Variants in PATJ observed in about 807,000 individuals in gnomAD.
PATJ encodes the protein inaD-like protein.
PATJ carries 190 observed loss-of-function variants against 224.9 expected under a neutral mutation model. That is an observed-to-expected ratio of 0.84 (90% CI 0.75 to 0.95). The LOEUF (loss-of-function observed/expected upper bound fraction) is 0.95, where lower values mean the gene tolerates loss of function less well. Ranked by LOEUF, PATJ falls within the 40% of genes least tolerant of loss-of-function variation. The probability of loss-of-function intolerance (pLI) is 0.00; values close to 1 mark genes in which losing one functional copy is unlikely to be tolerated. For missense variants in PATJ, 2,121 were observed against 2,270.3 expected (o/e 0.93, Z 1.34); for synonymous variants, 769 against 820.3 (o/e 0.94, Z 1.07).
chr1:62,125,059 C>G (rs1390727440), intron 39 of PATJ, among the ~76,000 whole-genome samples: 1 of 151,760 alleles, frequency 6.6e-6, no homozygotes, highest in Non-Finnish European at 1.5e-5. Flanking sequence ...AACTCCGTCT[C>G]TACAAATAAT....
chr1:61,939,554 A>G (rs770037255), intron 27 of PATJ, among the ~76,000 whole-genome samples: 1 of 151,954 alleles, frequency 6.6e-6, no homozygotes, highest in Non-Finnish European at 1.5e-5. Context: ...AACAATATTA[A>G]TCATCATTGT....
At chr1:61,884,179 A>G (rs1327883000) in intron 21 of PATJ, 58 bp from the exon 22 acceptor site, 22 of 1,373,160 alleles carry the variant, frequency 1.6e-5, no homozygotes, top group Non-Finnish European at 4.9e-6. Flanking sequence ...TAGTTGTTGA[A>G]TGACTAAAGG....
At chr1:62,128,241 C>A in intron 40 of PATJ, 147 bp downstream of exon 40, 1 of 697,472 alleles carries the variant, frequency 1.4e-6, no homozygotes, top group Non-Finnish European at 2.4e-6. Flanking sequence ...AAACTTGATA[C>A]CTTTAGAAAT....
At chr1:62,098,624 A>T (rs1331848318) in intron 33 of PATJ, among the ~76,000 whole-genome samples, 1 of 151,838 alleles carries the variant, frequency 6.6e-6, no homozygotes, top group African/African-American at 2.4e-5. Flanking sequence ...TAGTTCATTC[A>T]ACTCTGTGCT....
rs1286823 is a variant in PATJ, at chr1:61,791,364, A to C, written c.1085A>C (p.Glu362Ala). Residue 362 changes from glutamate to alanine, a missense_variant, in exon 9 of 44, where the codon GAA (glutamate) becomes GCA (alanine). Transcript: ENST00000642238. Reference protein sequence around the residue: ...KGPGSDSSLFETYNVELVRKD... With the variant: ...KGPGSDSSLFATYNVELVRKD... Reference sequence around the variant, plus strand: ...TCCTTTTAGGACAGTTCTCTTTTTGAAACTTATAATGTTGAGCTTGTGAGA... The same window carrying C: ...TCCTTTTAGGACAGTTCTCTTTTTGCAACTTATAATGTTGAGCTTGTGAGA... 162,426 of 1,607,274 alleles carry C rather than the reference A, an allele frequency of 0.1. 9,245 individuals carry two copies. Among genetic ancestry groups the C allele is most frequent in the Non-Finnish European group, 0.12 (137,872 of 1,174,444 alleles).
At chr1:62,075,425 T>C (rs1235916285) in intron 31 of PATJ, among the ~76,000 whole-genome samples, 2 of 152,208 alleles carry the variant, frequency 1.3e-5, no homozygotes, top group Non-Finnish European at 2.9e-5. Context: ...ATGGGTTTAT[T>C]TATTTACCTT....
chr1:62,151,978 A>G (rs1404520857), intron 42 of PATJ, among the ~76,000 whole-genome samples: 2 of 152,324 alleles, frequency 1.3e-5, no homozygotes, highest in East Asian at 3.9e-4. Flanking sequence ...CACTGGATGA[A>G]GCTTTGAAAA....
At chr1:62,077,624 A>C (rs538378565) in intron 31 of PATJ, among the ~76,000 whole-genome samples, 1 of 148,770 alleles carries the variant, frequency 6.7e-6, no homozygotes, top group African/African-American at 2.5e-5. Flanking sequence ...CAGGACATCA[A>C]GGCTTCAGTG....
chr1:61,859,250 A>G (rs571285828), intron 18 of PATJ, among the ~76,000 whole-genome samples: 27 of 151,900 alleles, frequency 1.8e-4, no homozygotes, highest in Non-Finnish European at 2.2e-4. Flanking sequence ...TCCTCATGCT[A>G]TTTCTGGTGG....
chr1:62,072,010 T>C (rs1657509236), intron 31 of PATJ, among the ~76,000 whole-genome samples: 1 of 152,148 alleles, frequency 6.6e-6, no homozygotes, highest in Non-Finnish European at 1.5e-5. Context: ...CCAAACCCAG[T>C]TGCAGGAATT....
intron 1 of PATJ, among the ~76,000 whole-genome samples, chr1:61,744,646 A>G (rs1356370993): frequency 1.3e-5 from 2 of 152,358 alleles, no homozygotes; most frequent in South Asian, 2.1e-4. Flanking sequence ...CTCTCACACC[A>G]CTACAGTCAA....
chr1:62,024,592 A>T (rs1303035219), intron 29 of PATJ, among the ~76,000 whole-genome samples: 1 of 151,074 alleles, frequency 6.6e-6, no homozygotes, highest in African/African-American at 2.4e-5. Context: ...TTGCTGGTCA[A>T]TATTTATACT....
At chr1:62,129,926 G>A (rs1169553775) in intron 41 of PATJ, among the ~76,000 whole-genome samples, 1 of 152,064 alleles carries the variant, frequency 6.6e-6, no homozygotes, top group Non-Finnish European at 1.5e-5. Context: ...GTGACAGAGT[G>A]AGACTGTCTC....
chr1:62,143,583 TG>T (rs2149006844), intron 41 of PATJ, among the ~76,000 whole-genome samples: 1 of 151,426 alleles, frequency 6.6e-6, no homozygotes, highest in Non-Finnish European at 1.5e-5. Context: ...CCCAAGTAGC[TG>T]GGATTACAGA....
At chr1:61,808,654 G>A (rs1654066367) in intron 14 of PATJ, 124 bp downstream of exon 14, 1 of 601,894 alleles carries the variant, frequency 1.7e-6, no homozygotes, top group Admixed American at 3.4e-5. Flanking sequence ...CCCTCCCAAA[G>A]TGTTAGGATT....
chr1:62,146,669 C>T (rs1292165622), intron 41 of PATJ, among the ~76,000 whole-genome samples: 6 of 151,762 alleles, frequency 4.0e-5, no homozygotes, highest in African/African-American at 1.2e-4. Flanking sequence ...CCCAGCTACT[C>T]GGGAGGCTGA....
At chr1:61,918,897 G>A (rs1366499132) in intron 26 of PATJ, among the ~76,000 whole-genome samples, 3 of 151,934 alleles carry the variant, frequency 2.0e-5, no homozygotes, top group Admixed American at 6.6e-5. Context: ...AGGGAAGGCC[G>A]CAGTGAGCCA....
chr1:62,139,399 CAAAAAAAAA>C (rs4019658), intron 41 of PATJ, among the ~76,000 whole-genome samples: 1 of 94,894 alleles, frequency 1.1e-5, no homozygotes, highest in Admixed American at 1.2e-4. Context: ...GACTCCATCT[CAAAAAAAAA>C]AAAAAAAAAA....
chr1:61,815,217 T>C (rs1160370093), intron 14 of PATJ, among the ~76,000 whole-genome samples: 2 of 152,136 alleles, frequency 1.3e-5, no homozygotes, highest in Non-Finnish European at 2.9e-5. Flanking sequence ...GGCTCTGCTG[T>C]GGGAAAGGGC....
Sources: gnomAD v4.1 joint callset for allele counts (sites outside exome capture counted in the v4.1 genomes callset) on GRCh38, gnomAD v4.1.1 for gene constraint, MANE v1.5 for transcripts, NCBI Gene and HGNC (gene_info 2026-07-23, HGNC 2026-07-21) for gene names.